The following DPCD variants were observed in gnomAD, a reference collection of about 807,000 sequenced individuals.
DPCD encodes deleted in primary ciliary dyskinesia homolog (mouse).
A neutral mutation model predicts 26.4 loss-of-function variants in DPCD; 20 were observed. The ratio of observed to expected loss-of-function variants is 0.76; its 90% CI spans 0.53 to 1.10. The LOEUF (loss-of-function observed/expected upper bound fraction) is 1.10. Ranked by LOEUF, DPCD falls within the 50% of genes least tolerant of loss-of-function variation. The pLI is 0.00. For missense variants in DPCD, 202 were observed against 253.9 expected, an observed-to-expected ratio of 0.80 and a Z score of 1.39; for synonymous variants, 97 against 94.2, an observed-to-expected ratio of 1.03 and a Z score of -0.17.
intron 2 of DPCD, among the ~76,000 whole-genome samples, chr10:101,598,929 T>G (rs950206286): frequency 2.0e-5 from 3 of 152,156 alleles, no homozygotes; most frequent in Non-Finnish European, 4.4e-5. Flanking sequence ...CTGGAGTAGA[T>G]GCTTTCTAAA....
In DPCD at chr10:101,609,599, C is replaced by T. The variant is rs2063762139; in HGVS notation, c.*128C>T. 1.4e-6 allele frequency: 1 copy of T among 707,834 alleles called. No homozygotes were observed. The highest frequency in any genetic ancestry group is 2.4e-6 in the Non-Finnish European group (1 of 421,818). 43.8% of individuals were successfully genotyped at this position (707,834 alleles called of 1,614,324 possible). ...GGGTCTCTAAGAACTGGGCATGGGG[C>T]ACTCCTAGCCAGTGAGTCATGGTCA... On this transcript the variant is annotated 3_prime_UTR_variant, in exon 6 of 6. Coordinates refer to ENST00000370151, the MANE Select transcript of DPCD (RefSeq NM_015448.3).
Position 101,594,692 on chromosome 10 carries a change from C to G in DPCD, c.99C>G (p.Gly33=). 1 of 1,614,090 alleles carries G rather than the reference C, an allele frequency of 6.2e-7. No individual in the cohort carries two copies. The highest frequency in any genetic ancestry group is 8.5e-7 in the Non-Finnish European group (1 of 1,180,012). The change falls in exon 2 of 6, where the codon GGC becomes GGG. Residue 33 remains glycine (G), a synonymous_variant. Coordinates refer to ENST00000370151, the MANE Select transcript of DPCD (RefSeq NM_015448.3). ...RRKVHYLFPD[G]KEMAEEYDEK... is the part of the protein sequence containing the mutation. ...AGGTTCACTATTTATTCCCAGACGG[C>G]AAGGAAATGGCTGAAGAATATGACG... is the stretch of plus-strand genomic sequence containing the variant.
intron 2 of DPCD, among the ~76,000 whole-genome samples, chr10:101,599,888 G>T (rs1024275820): frequency 6.6e-5 from 10 of 152,208 alleles, no homozygotes; most frequent in African/African-American, 1.9e-4. Flanking sequence ...GGGATAGGAG[G>T]TCATGGCTCA....
rs1205294310 is a variant in DPCD at position 101,600,214 on chromosome 10, T to G, written c.146-524T>G. 6.6e-6 allele frequency among the ~76,000 whole-genome samples: 1 copy of G among 152,232 alleles called. No homozygotes were observed. The highest frequency in any genetic ancestry group is 1.5e-5 in the Non-Finnish European group (1 of 68,044). On this transcript the variant is annotated intron_variant, in intron 2 of 5. Coordinates refer to ENST00000370151, the MANE Select transcript of DPCD (RefSeq NM_015448.3). The surrounding 1 kb of genome is among the most constrained non-coding windows in gnomAD (Gnocchi z 4.7). The stretch of plus-strand genomic sequence containing the variant: ...TTTTTGTTTTTGCTTTTTTCTTTTT[T>G]TTTAAGCAAGGTATACCTGAAAAGA...
In DPCD at chr10:101,588,647, A is replaced by G. The variant is rs2063528894; in HGVS notation, c.64+247A>G. On this transcript the variant is annotated intron_variant, in intron 1 of 5. Coordinates refer to ENST00000370151, the MANE Select transcript of DPCD (RefSeq NM_015448.3). ...CTCTGATTTCTGTTGCTAATATAGT[A>G]ATTTCTTTTACATTCATTATCTCAT... 9.0e-6 allele frequency: 12 copies of G among 1,329,100 alleles called. No homozygotes were observed. The South Asian group carries it at 2.3e-4, about 26-fold the overall frequency. 82.3% of individuals were successfully genotyped at this position (1,329,100 alleles called of 1,614,324 possible). A position where few individuals can be genotyped will look rare whatever the true frequency, so the allele number is the denominator to read the frequency against.
intron 4 of DPCD, chr10:101,605,112 A>G: frequency 6.5e-6 from 10 of 1,550,386 alleles, no homozygotes; most frequent in Non-Finnish European, 7.8e-6. Context: ...TTGATGTTTA[A>G]GAAGATTTGC....
intron 1 of DPCD, among the ~76,000 whole-genome samples, chr10:101,593,805 G>A (rs922407103): frequency 6.6e-6 from 1 of 152,152 alleles, no homozygotes; most frequent in Non-Finnish European, 1.5e-5. Context: ...TGGCCAGGCT[G>A]GTCTTGAACT....
chr10:101,609,634 A>C lies in DPCD; in HGVS notation c.*163A>C. The C allele has an allele frequency of 1.6e-6, 1 of 620,582 alleles. No homozygotes were observed. The highest frequency in any genetic ancestry group is 2.8e-6 in the Non-Finnish European group (1 of 354,618). The allele number at this position is 620,582 out of a possible 1,614,324, so 38.4% of individuals were successfully genotyped here. A position where few individuals can be genotyped will look rare whatever the true frequency, so the allele number is the denominator to read the frequency against. On this transcript the variant is annotated 3_prime_UTR_variant, in exon 6 of 6. Transcript: ENST00000370151. ...CAGTGAGTCATGGTCATATTTCCTG[A>C]GTAAAGTCATTCTGAGTTACTTACT...
In DPCD at chr10:101,590,641, C is replaced by T. The variant is rs567798473; in HGVS notation, c.64+2241C>T. Among the ~76,000 whole-genome samples, 11 of 146,784 alleles carry T rather than the reference C, an allele frequency of 7.5e-5. No individual in the cohort carries two copies. In the South Asian group the frequency reaches 8.5e-4, roughly 11 times the overall value. On this transcript the variant is annotated intron_variant, in intron 1 of 5. Transcript: ENST00000370151. ...GCTCTGTCACCCAGGCTGTGGGGTA[C>T]GATCATAGCTCACTGCAGCCTTGAA...
At chr10:101,608,793 C>A in intron 4 of DPCD, 42 bp from the exon 5 acceptor site, 1 of 1,436,936 alleles carries the variant, frequency 7.0e-7, no homozygotes, top group Non-Finnish European at 9.8e-7. Flanking sequence ...GCTGTTGGGT[C>A]ACCTTGCCGA....
At chr10:101,602,920 C>T (rs77354222) in intron 4 of DPCD, among the ~76,000 whole-genome samples, 1,662 of 152,360 alleles carry the variant, frequency 0.011, 17 homozygotes, top group Middle Eastern at 0.024. Flanking sequence ...ATTCATCTGC[C>T]AGCATATCCT....
At chr10:101,589,107 T>C (rs574093781) in intron 1 of DPCD, among the ~76,000 whole-genome samples, 26 of 152,348 alleles carry the variant, frequency 1.7e-4, no homozygotes, top group African/African-American at 6.3e-4. Flanking sequence ...CCAGGATGAA[T>C]TGCGTCTGAA....
At chr10:101,589,605 T>A (rs998352206) in intron 1 of DPCD, among the ~76,000 whole-genome samples, 3 of 151,644 alleles carry the variant, frequency 2.0e-5, no homozygotes, top group Non-Finnish European at 4.4e-5. Context: ...TATGGCCGGA[T>A]GTGGTGGTTC....
intron 5 of DPCD, among the ~76,000 whole-genome samples, 158 bp from the exon 6 acceptor site, chr10:101,609,209 C>CCTA (rs958896185): frequency 6.6e-6 from 1 of 152,136 alleles, no homozygotes; most frequent in Non-Finnish European, 1.5e-5. Context: ...AAGGTCTGCT[C>CCTA]CTACTCAGGC....
At chr10:101,601,431 T>C in intron 4 of DPCD, 95 bp downstream of exon 4, 2 of 1,279,050 alleles carry the variant, frequency 1.6e-6, no homozygotes, top group African/African-American at 1.6e-5. Flanking sequence ...AGGCCGGTCC[T>C]GCAGAGAGGA....
At chr10:101,594,843 GT>G (rs1201625385) in intron 2 of DPCD, 105 bp downstream of exon 2, 1 of 1,103,722 alleles carries the variant, frequency 9.1e-7, no homozygotes, top group Non-Finnish European at 1.4e-6. Flanking sequence ...CAGATCAAAT[GT>G]AGAGGCTGGG....
intron 1 of DPCD, among the ~76,000 whole-genome samples, chr10:101,589,779 G>A (rs2063573458): frequency 1.3e-5 from 2 of 152,312 alleles, no homozygotes; most frequent in African/African-American, 4.8e-5. Context: ...AGCTACTCTG[G>A]AGGCTGAGGC....
Position 101,609,125 on chromosome 10 carries a change from T to A in DPCD, c.507+188T>A, listed in dbSNP as rs1011886747. On this transcript the variant is annotated intron_variant, in intron 5 of 5. Coordinates refer to ENST00000370151, the MANE Select transcript of DPCD (RefSeq NM_015448.3). Reference sequence around the variant, plus strand: ...GGGCTCAGGAAGGAGCCTGACCATATAATTCACAGCTAGAAGAGGGTAGAG... The same window carrying A: ...GGGCTCAGGAAGGAGCCTGACCATAAAATTCACAGCTAGAAGAGGGTAGAG... 3 of 649,718 alleles carry A rather than the reference T, an allele frequency of 4.6e-6. No individual in the cohort carries two copies. In the African/African-American group the frequency reaches 5.5e-5, roughly 12 times the overall value. 40.2% of individuals were successfully genotyped at this position (649,718 alleles called of 1,614,324 possible). A position where few individuals can be genotyped will look rare whatever the true frequency, so the allele number is the denominator to read the frequency against.
At chr10:101,594,956 AC>A (rs1358819774) in intron 2 of DPCD, among the ~76,000 whole-genome samples, 1 of 151,974 alleles carries the variant, frequency 6.6e-6, no homozygotes, top group African/African-American at 2.4e-5. Context: ...CCCACCCCTC[AC>A]CCCAGACAAA....
Sources: allele counts gnomAD v4.1 joint callset (sites outside exome capture counted in the v4.1 genomes callset), GRCh38; gene constraint gnomAD v4.1.1; non-coding constraint Gnocchi (gnomAD v3.1); transcripts MANE v1.5; gene names NCBI Gene and HGNC (gene_info 2026-07-23, HGNC 2026-07-21).